TMEM131: variants seen among roughly 807,000 people sequenced by gnomAD.
TMEM131 encodes transmembrane protein 131, also known as 2610524E03Rik.
In TMEM131, 66 loss-of-function variants were observed where a neutral mutation model predicts 211.6. The observed-to-expected ratio is 0.31, with a 90% CI of 0.26 to 0.38. The LOEUF is 0.38. Ranked by LOEUF, TMEM131 falls within the 10% of genes least tolerant of loss-of-function variation. The probability of loss-of-function intolerance (pLI) is 1.00; values close to 1 mark genes in which losing one functional copy is unlikely to be tolerated. For missense variants in TMEM131, 2,036 were observed against 2,299.3 expected, an observed-to-expected ratio of 0.89 and a Z score of 2.34; for synonymous variants, 844 against 841.3, an observed-to-expected ratio of 1.00 and a Z score of -0.06.
intron 1 of TMEM131, among the ~76,000 whole-genome samples, chr2:97,961,474 T>C (rs1050822187): frequency 3.9e-5 from 6 of 152,242 alleles, no homozygotes; most frequent in Non-Finnish European, 8.8e-5. Context: ...CATGTTGTTA[T>C]ATCAATTCTC....
intron 4 of TMEM131, among the ~76,000 whole-genome samples, chr2:97,881,750 T>C (rs1674944778): frequency 6.8e-6 from 1 of 147,620 alleles, no homozygotes; most frequent in Non-Finnish European, 1.5e-5. Flanking sequence ...AGGTAGATGT[T>C]GAATAGGTAG....
At chr2:97,929,818 C>T (rs1677144514) in intron 1 of TMEM131, among the ~76,000 whole-genome samples, 1 of 151,800 alleles carries the variant, frequency 6.6e-6, no homozygotes, top group South Asian at 2.1e-4. Flanking sequence ...GGCATTTGTA[C>T]TTACTGATGC....
At chr2:97,918,240 G>A (rs551212138) in intron 2 of TMEM131, among the ~76,000 whole-genome samples, 3 of 152,180 alleles carry the variant, frequency 2.0e-5, no homozygotes, top group Admixed American at 6.5e-5. Context: ...CACTGCGCCC[G>A]GCCAACATGG....
At chr2:97,827,312 C>T (rs887622961) in intron 11 of TMEM131, 21 of 787,390 alleles carry the variant, frequency 2.7e-5, no homozygotes, top group East Asian at 1.5e-4. Flanking sequence ...AGGAGATCGG[C>T]GCGGTTGTCA....
At chr2:97,782,486 A>T (rs554707027) in intron 31 of TMEM131, among the ~76,000 whole-genome samples, 1 of 152,366 alleles carries the variant, frequency 6.6e-6, no homozygotes, top group East Asian at 1.9e-4. Context: ...AATTTCTCAA[A>T]TCAAATGAAA....
chr2:97,977,716 A>C (rs1194012986), intron 1 of TMEM131, among the ~76,000 whole-genome samples: 1 of 152,220 alleles, frequency 6.6e-6, no homozygotes, highest in African/African-American at 2.4e-5. Context: ...TCTTTTGGCT[A>C]GTGGAGAGTC....
intron 1 of TMEM131, among the ~76,000 whole-genome samples, chr2:97,975,811 G>GA (rs11355341): frequency 0.29 from 38,250 of 132,128 alleles, 5,397 homozygotes; most frequent in Middle Eastern, 0.4. Context: ...GGTATTACAA[G>GA]AAAAAAAAAA....
rs374087293 is a variant in TMEM131, at chr2:97,759,068, A to G, written c.5207-15T>C. ...GCTGAAAACTTCTGGAAATAAAGCAACAGTCATCAAGTCCATATTTGGTTT... is the reference window on the plus strand; with the variant it reads ...GCTGAAAACTTCTGGAAATAAAGCAGCAGTCATCAAGTCCATATTTGGTTT... On this transcript the variant is annotated splice_polypyrimidine_tract_variant and intron_variant, in intron 39 of 40. Coordinates refer to ENST00000186436, the MANE Select transcript of TMEM131 (RefSeq NM_015348.2). The G allele has an allele frequency of 2.5e-6, 4 of 1,613,876 alleles. No homozygotes were observed. In the African/African-American group the frequency reaches 5.3e-5, roughly 22 times the overall value.
chr2:97,925,922 A>G (rs1676970063), intron 2 of TMEM131, among the ~76,000 whole-genome samples: 1 of 151,986 alleles, frequency 6.6e-6, no homozygotes, highest in African/African-American at 2.4e-5. Flanking sequence ...CATCCTGGCT[A>G]ACATGGTGAA....
At position 97,837,138 on chromosome 2, in the gene TMEM131, C is replaced by T. The variant is rs761251298; in HGVS notation, c.743G>A (p.Ser248Asn). 69 of 1,601,066 alleles carry T rather than the reference C, an allele frequency of 4.3e-5. No individual in the cohort carries two copies. The highest frequency in any genetic ancestry group is 5.5e-5 in the Non-Finnish European group (65 of 1,175,706). ...EPLQVVEMYS[S>N]GGDLHLELPT... ...GAGTTCTAGGTGAAGGTCTCCTCCA[C>T]TAGAGTACATTTCTACAACCTGGGG... The change falls in exon 8 of 41, where the codon AGT (serine) becomes AAT (asparagine). Residue 248 changes from serine (S) to asparagine (N), a missense_variant. By Grantham distance (46) the Ser-to-Asn change is conservative. This residue lies in a region of TMEM131 where 277 missense variants were observed against 378.0 expected (regional missense o/e 0.73). Transcript: ENST00000186436.
intron 1 of TMEM131, 24 bp downstream of exon 1, chr2:97,995,452 G>A (rs1573671462): frequency 2.2e-6 from 3 of 1,356,546 alleles, no homozygotes; most frequent in Non-Finnish European, 2.8e-6. Flanking sequence ...CCCCGCCGCA[G>A]GGACGCCGCC....
At chr2:97,839,805 G>A (rs573414127) in intron 7 of TMEM131, among the ~76,000 whole-genome samples, 15 of 152,326 alleles carry the variant, frequency 9.8e-5, no homozygotes, top group Middle Eastern at 3.4e-3. Context: ...GAGCTCAACA[G>A]TCACACGTAG....
At chr2:97,794,852 G>A in intron 29 of TMEM131, 78 bp downstream of exon 29, 1 of 1,244,100 alleles carries the variant, frequency 8.0e-7, no homozygotes, top group Non-Finnish European at 1.1e-6. Context: ...ACTCAGAACA[G>A]TGGCTGGCAC....
chr2:97,958,718 G>A (rs1324350633), intron 1 of TMEM131, among the ~76,000 whole-genome samples: 1 of 152,220 alleles, frequency 6.6e-6, no homozygotes, highest in Non-Finnish European at 1.5e-5. Flanking sequence ...AGATAAATGG[G>A]ATCTGAGTTA....
At chr2:97,804,968 AG>A in intron 22 of TMEM131, 119 bp downstream of exon 22, 3 of 647,558 alleles carry the variant, frequency 4.6e-6, no homozygotes, top group Non-Finnish European at 7.4e-6. Flanking sequence ...TCTGAAAATT[AG>A]GCATTCTTTC....
At chr2:97,838,891 T>C (rs973296401) in intron 7 of TMEM131, among the ~76,000 whole-genome samples, 1 of 152,272 alleles carries the variant, frequency 6.6e-6, no homozygotes, top group Admixed American at 6.5e-5. Flanking sequence ...TGCTCATCTA[T>C]AGTGCTTATT....
intron 2 of TMEM131, among the ~76,000 whole-genome samples, chr2:97,926,159 T>C (rs866226307): frequency 7.2e-5 from 11 of 151,886 alleles, no homozygotes; most frequent in African/African-American, 2.7e-4. Flanking sequence ...TGAATGTACA[T>C]GAATTGCAGA....
At chr2:97,962,788 TCTA>T (rs2104572960) in intron 1 of TMEM131, among the ~76,000 whole-genome samples, 1 of 152,174 alleles carries the variant, frequency 6.6e-6, no homozygotes, top group African/African-American at 2.4e-5. Flanking sequence ...AACCCAGAAA[TCTA>T]TTAACAGGTA....
At chr2:97,789,615 C>T (rs1680408036) in intron 31 of TMEM131, among the ~76,000 whole-genome samples, 1 of 152,216 alleles carries the variant, frequency 6.6e-6, no homozygotes, top group Non-Finnish European at 1.5e-5. Flanking sequence ...ACCTCTCTGC[C>T]TCTCCCTACC....
Sources: gnomAD v4.1 joint callset for allele counts (sites outside exome capture counted in the v4.1 genomes callset) on GRCh38, gnomAD v4.1.1 for gene constraint, gnomAD v4.1.1 regional missense constraint, MANE v1.5 for transcripts, NCBI Gene and HGNC (gene_info 2026-07-23, HGNC 2026-07-21) for gene names.